The following CFTR variants were observed in gnomAD, a reference collection of about 807,000 sequenced individuals.
The protein encoded by CFTR is CF transmembrane conductance regulator.
A neutral mutation model predicts 171.6 loss-of-function variants in CFTR; 181 were observed. That is an observed-to-expected ratio of 1.05 (90% CI 0.93 to 1.19). CFTR has a LOEUF of 1.19. Ranked by LOEUF, CFTR falls within the 50% of genes most tolerant of loss-of-function variation. CFTR has a pLI of 0.00. For missense variants in CFTR, 1,968 were observed against 1,734.7 expected, an observed-to-expected ratio of 1.13 and a Z score of -2.39; for synonymous variants, 583 against 608.0, an observed-to-expected ratio of 0.96 and a Z score of 0.60.
intron 1 of CFTR, among the ~76,000 whole-genome samples, chr7:117,485,670 C>T (rs1323976085): frequency 6.6e-6 from 1 of 152,102 alleles, no homozygotes; most frequent in Non-Finnish European, 1.5e-5. Context: ...TAGAGAATTA[C>T]ATTCCTACAG....
At chr7:117,625,518 C>G (rs1792638013) in intron 21 of CFTR, among the ~76,000 whole-genome samples, 1 of 152,072 alleles carries the variant, frequency 6.6e-6, no homozygotes, top group African/African-American at 2.4e-5. Context: ...TAGATAGCAA[C>G]AGTTAAATGT....
At chr7:117,631,514 A>G (rs1386444050) in intron 22 of CFTR, among the ~76,000 whole-genome samples, 1 of 152,110 alleles carries the variant, frequency 6.6e-6, no homozygotes, top group East Asian at 1.9e-4. Context: ...AGTGGCTGAA[A>G]ATTGTGTAAA....
At chr7:117,617,639 C>G (rs1792513857) in intron 21 of CFTR, among the ~76,000 whole-genome samples, 1 of 151,842 alleles carries the variant, frequency 6.6e-6, no homozygotes, top group South Asian at 2.1e-4. Context: ...TTCTCTCCAC[C>G]AGTTGTACCA....
intron 3 of CFTR, among the ~76,000 whole-genome samples, chr7:117,520,095 G>A (rs1203217190): frequency 1.3e-5 from 2 of 151,750 alleles, no homozygotes; most frequent in Admixed American, 1.3e-4. Context: ...TTCCTGGTGA[G>A]TTTAATCTGT....
chr7:117,592,737 T>C (rs1384466848), intron 14 of CFTR, 80 bp downstream of exon 14: 1 of 1,254,584 alleles, frequency 8.0e-7, no homozygotes, highest in African/African-American at 1.5e-5. Context: ...GTAACAAAAT[T>C]TACTAAAATC....
chr7:117,658,322 G>T (rs571171699), intron 24 of CFTR, among the ~76,000 whole-genome samples: 1 of 152,236 alleles, frequency 6.6e-6, no homozygotes, highest in Admixed American at 6.5e-5. Flanking sequence ...TGTAAAATGG[G>T]CCCAGCGCAG....
At chr7:117,662,063 A>G (rs1364825713) in intron 24 of CFTR, among the ~76,000 whole-genome samples, 12 of 151,178 alleles carry the variant, frequency 7.9e-5, no homozygotes. Context: ...TGTTAGGGAA[A>G]TTTTAATTTT....
In CFTR at chr7:117,590,419, A is replaced by C. The variant is rs751058333; in HGVS notation, c.1746A>C (p.Thr582=). The change falls in exon 13 of 27, where the codon ACA becomes ACC. Residue 582 remains threonine (T), a synonymous_variant. Transcript: ENST00000003084. ...DSPFGYLDVL[T]EKEIFESCVC... ...CTTTTGGATACCTAGATGTTTTAAC[A>C]GAAAAAGAAATATTTGAAAGGTATG... 6.2e-7 allele frequency: 1 copy of C among 1,602,532 alleles called. No individual in the cohort carries two copies. The highest frequency in any genetic ancestry group is 2.2e-5 in the East Asian group (1 of 44,550).
At chr7:117,627,100 T>C (rs1224853141) in intron 21 of CFTR, among the ~76,000 whole-genome samples, 1 of 152,134 alleles carries the variant, frequency 6.6e-6, no homozygotes, top group Non-Finnish European at 1.5e-5. Flanking sequence ...CATAAAATTA[T>C]AGTTAGTTAC....
intron 25 of CFTR, 73 bp from the exon 26 acceptor site, chr7:117,665,386 G>C: frequency 1.2e-6 from 1 of 866,436 alleles, no homozygotes; most frequent in Admixed American, 1.9e-5. Flanking sequence ...TAGAACAATA[G>C]ACATATTATC....
At chr7:117,649,703 C>A (rs1584841462) in intron 23 of CFTR, among the ~76,000 whole-genome samples, 1 of 151,822 alleles carries the variant, frequency 6.6e-6, no homozygotes, top group Non-Finnish European at 1.5e-5. Flanking sequence ...ACAGCTTTTG[C>A]TAAGGACAGG....
At chr7:117,593,592 G>GTGTT (rs376034997) in intron 14 of CFTR, among the ~76,000 whole-genome samples, 13 of 151,586 alleles carry the variant, frequency 8.6e-5, no homozygotes, top group Non-Finnish European at 1.3e-4. Flanking sequence ...GTTTTTTTGT[G>GTGTT]TGTTTGTTTG....
In CFTR at chr7:117,559,566, C is replaced by A. The variant is rs397508219; in HGVS notation, c.1495C>A (p.Pro499Thr). ...SFCSQFSWIMPGTIKENIIFG... is the reference protein window; with the variant it reads ...SFCSQFSWIMTGTIKENIIFG... ...CTGTTCTCAGTTTTCCTGGATTATG[C>A]CTGGCACCATTAAAGAAAATATCAT... The change falls in exon 11 of 27, where the codon CCT becomes ACT. Residue 499 changes from proline to threonine, a missense_variant. Transcript: ENST00000003084. 2 of 1,611,856 alleles carry A rather than the reference C, an allele frequency of 1.2e-6. No homozygotes were observed. Among genetic ancestry groups the A allele is most frequent in the African/African-American group, 1.3e-5 (1 of 74,940 alleles).
At chr7:117,542,949 G>T (rs1411653502) in intron 9 of CFTR, among the ~76,000 whole-genome samples, 1 of 152,118 alleles carries the variant, frequency 6.6e-6, no homozygotes, top group Non-Finnish European at 1.5e-5. Flanking sequence ...GCCAATAAAA[G>T]GATGCGAGAG....
intron 1 of CFTR, among the ~76,000 whole-genome samples, chr7:117,500,355 C>T (rs377334801): frequency 3.5e-5 from 5 of 142,092 alleles, no homozygotes; most frequent in Admixed American, 2.3e-4. Flanking sequence ...GGCACAATCT[C>T]GGCTCACTGC....
At chr7:117,571,874 A>G (rs2115974467) in intron 11 of CFTR, among the ~76,000 whole-genome samples, 1 of 152,344 alleles carries the variant, frequency 6.6e-6, no homozygotes, top group East Asian at 1.9e-4. Context: ...AAAATCTGTA[A>G]CATCCATTAT....
At chr7:117,625,820 T>C (rs1351565782) in intron 21 of CFTR, among the ~76,000 whole-genome samples, 1 of 152,146 alleles carries the variant, frequency 6.6e-6, no homozygotes, top group Non-Finnish European at 1.5e-5. Context: ...CCAGACCTTA[T>C]TATAGACTAG....
chr7:117,594,965 A>G lies in CFTR; in HGVS notation c.2526A>G (p.Ala842=), dbSNP rs758128209. Residue 842 remains alanine (A), a synonymous_variant, in exon 15 of 27, where the codon GCA becomes GCG. Coordinates refer to ENST00000003084, the MANE Select transcript of CFTR (RefSeq NM_000492.4). ...CFFDDMESIP[A]VTTWNTYLRY... ...TTGATGATATGGAGAGCATACCAGC[A>G]GTGACTACATGGAACACATACCTTC... The G allele has an allele frequency of 6.2e-6, 10 of 1,612,892 alleles. No individual in the cohort carries two copies. The Admixed American group carries it at 8.3e-5, about 13-fold the overall frequency.
chr7:117,646,998 A>T (rs1380233642), intron 23 of CFTR, among the ~76,000 whole-genome samples: 1 of 152,210 alleles, frequency 6.6e-6, no homozygotes, highest in Admixed American at 6.5e-5. Context: ...GCAATCATTT[A>T]TATGCAAATA....
Sources: gnomAD v4.1 joint callset for allele counts (sites outside exome capture counted in the v4.1 genomes callset) on GRCh38, gnomAD v4.1.1 for gene constraint, MANE v1.5 for transcripts, NCBI Gene and HGNC (gene_info 2026-07-23, HGNC 2026-07-21) for gene names.